LRRN2: variants seen among roughly 807,000 people sequenced by gnomAD.
LRRN2 encodes leucine-rich repeat neuronal protein 2.
In LRRN2, 10 loss-of-function variants were observed where a neutral mutation model predicts 35.7. The observed-to-expected ratio is 0.28, with a 90% CI of 0.17 to 0.47. The LOEUF (loss-of-function observed/expected upper bound fraction) is 0.47, where lower values mean the gene tolerates loss of function less well. LRRN2 is among the 20% of genes least tolerant of loss of function. The pLI is 0.99. For synonymous variants in LRRN2, 391 were observed against 409.6 expected, an observed-to-expected ratio of 0.95 and a Z score of 0.55; for missense variants, 731 against 940.3, an observed-to-expected ratio of 0.78 and a Z score of 2.91.
At chr1:204,675,784 A>T (rs1057335111) in intron 1 of LRRN2, among the ~76,000 whole-genome samples, 1 of 152,250 alleles carries the variant, frequency 6.6e-6, no homozygotes, top group Non-Finnish European at 1.5e-5. Context: ...TGAAAAATGG[A>T]TTAACTTCTG....
chr1:204,637,692 G>GTGTC (rs1667867810), intron 1 of LRRN2, among the ~76,000 whole-genome samples: 3 of 134,606 alleles, frequency 2.2e-5, no homozygotes, highest in Non-Finnish European at 3.2e-5. Context: ...GTGTGTGTGT[G>GTGTC]TTTGGGGGCA....
At chr1:204,663,395 G>A (rs1668510609) in intron 1 of LRRN2, among the ~76,000 whole-genome samples, 1 of 152,192 alleles carries the variant, frequency 6.6e-6, no homozygotes, top group African/African-American at 2.4e-5. Flanking sequence ...ACTGAGTAGG[G>A]AGCTGTGTTC....
intron 1 of LRRN2, among the ~76,000 whole-genome samples, chr1:204,685,020 C>T (rs537867157): frequency 1.8e-3 from 272 of 152,338 alleles, no homozygotes; most frequent in African/African-American, 6.2e-3. Context: ...GCCCAGGCGC[C>T]CTCTCCCTGG....
chr1:204,643,552 C>T (rs553669036), intron 1 of LRRN2, among the ~76,000 whole-genome samples: 3 of 151,958 alleles, frequency 2.0e-5, no homozygotes, highest in East Asian at 3.9e-4. Flanking sequence ...GAAGAGGGGG[C>T]GAGGATGAGG....
intron 1 of LRRN2, among the ~76,000 whole-genome samples, chr1:204,667,447 C>A (rs376631124): frequency 2.0e-5 from 3 of 152,060 alleles, no homozygotes; most frequent in Non-Finnish European, 4.4e-5. Flanking sequence ...GAGGATTCAA[C>A]GAGTTAATAT....
intron 1 of LRRN2, chr1:204,626,792 C>T (rs898286965): frequency 6.6e-6 from 1 of 152,060 alleles, no homozygotes; most frequent in Non-Finnish European, 1.5e-5. Flanking sequence ...GTCATGAAAA[C>T]AATTTAACGT....
In LRRN2 at chr1:204,618,364, T is replaced by C; in HGVS notation, c.1629A>G (p.Leu543=). The change falls in exon 2 of 2, where the codon CTA becomes CTG. Residue 543 remains leucine (L), a synonymous_variant. Coordinates refer to ENST00000367177, the MANE Select transcript of LRRN2 (RefSeq NM_201630.2). ...CTGTGTTGGGTGGGGTGACCCAAGA[T>C]AGCAGGATGTGATAGGGGTGGGTCT... ...VQETHPYHIL[L]SWVTPPNTVS... The C allele has an allele frequency of 6.2e-7, 1 of 1,603,366 alleles. No individual in the cohort carries two copies. Among genetic ancestry groups the C allele is most frequent in the Non-Finnish European group, 8.5e-7 (1 of 1,173,878 alleles).
chr1:204,649,633 G>A (rs1162872077), intron 1 of LRRN2, among the ~76,000 whole-genome samples: 1 of 152,210 alleles, frequency 6.6e-6, no homozygotes, highest in African/African-American at 2.4e-5. Flanking sequence ...AGGGCCGTGA[G>A]TTCCTCCTGG....
chr1:204,623,445 C>T (rs559954172), intron 1 of LRRN2, among the ~76,000 whole-genome samples: 27 of 152,300 alleles, frequency 1.8e-4, no homozygotes, highest in African/African-American at 6.5e-4. Flanking sequence ...TGGGGCTGGG[C>T]CTCGGGATCC....
At position 204,619,534 on chromosome 1, in the gene LRRN2, G is replaced by T. The variant is rs1345747163; in HGVS notation, c.459C>A (p.Leu153=). 1.2e-6 allele frequency: 2 copies of T among 1,614,252 alleles called. No homozygotes were observed. The highest frequency in any genetic ancestry group is 1.7e-6 in the Non-Finnish European group (2 of 1,180,044). ...AAAAGGCCCTGGGGGCGATGCGGTA[G>T]AGCTGGTTGTGGTTGAGATAGAGTT... ...LQELYLNHNQ[L]YRIAPRAFSG... Residue 153 remains leucine (L), a synonymous_variant, in exon 2 of 2, where the codon CTC becomes CTA. Coordinates refer to ENST00000367177, the MANE Select transcript of LRRN2 (RefSeq NM_201630.2).
chr1:204,681,931 C>T (rs1668965028), intron 1 of LRRN2, among the ~76,000 whole-genome samples: 2 of 152,132 alleles, frequency 1.3e-5, no homozygotes, highest in Admixed American at 6.5e-5. Flanking sequence ...AGTTTATCTT[C>T]TGCCTTTGTC....
intron 1 of LRRN2, chr1:204,620,729 T>C (rs1232496323): frequency 6.0e-6 from 1 of 167,648 alleles, no homozygotes; most frequent in Non-Finnish European, 1.5e-5. Context: ...TGTGTGTATG[T>C]GTGTGTGTAC....
At chr1:204,651,487 G>T (rs1274811194) in intron 1 of LRRN2, among the ~76,000 whole-genome samples, 1 of 152,214 alleles carries the variant, frequency 6.6e-6, no homozygotes, top group Admixed American at 6.5e-5. Context: ...ACTTGGTGCT[G>T]TGTTAACTTG....
intron 1 of LRRN2, among the ~76,000 whole-genome samples, chr1:204,635,696 G>A (rs886126761): frequency 5.3e-5 from 8 of 152,222 alleles, no homozygotes; most frequent in African/African-American, 1.2e-4. Context: ...CTGTCTTAAA[G>A]TGCAGTGGAA....
chr1:204,642,288 G>A (rs573152147), intron 1 of LRRN2, among the ~76,000 whole-genome samples: 58 of 152,284 alleles, frequency 3.8e-4, no homozygotes, highest in African/African-American at 1.1e-3. Flanking sequence ...GGCAAACAGC[G>A]AATCTACTGG....
Position 204,617,586 on chromosome 1 carries a change from A to ATCTC in LRRN2, c.*264_*265insGAGA. Reference sequence around the variant, plus strand: ...CTGGGCAGAGAGAAGATGGGGAGGCAGGAGGCTCTAGCCAAAGTCCCTCCT... The same window carrying ATCTC: ...CTGGGCAGAGAGAAGATGGGGAGGCATCTCGGAGGCTCTAGCCAAAGTCCCTCCT... On this transcript the variant is annotated 3_prime_UTR_variant, in exon 2 of 2. Transcript: ENST00000367177. 4.3e-6 allele frequency: 2 copies of ATCTC among 470,144 alleles called. No homozygotes were observed. The highest frequency in any genetic ancestry group is 3.8e-6 in the Non-Finnish European group (1 of 261,092). 29.1% of individuals were successfully genotyped at this position (470,144 alleles called of 1,614,324 possible).
intron 1 of LRRN2, 89 bp from the exon 2 acceptor site, chr1:204,620,307 A>C (rs1042286288): frequency 9.8e-6 from 9 of 919,364 alleles, no homozygotes; most frequent in Non-Finnish European, 1.3e-5. Flanking sequence ...ACAGAGTCTC[A>C]TTCTGTCACC....
Position 204,632,703 on chromosome 1 carries a change from G to A in LRRN2, c.-226-12485C>T, listed in dbSNP as rs997789287. Among the ~76,000 whole-genome samples, 11 of 151,732 alleles carry A rather than the reference G, an allele frequency of 7.2e-5. No homozygotes were observed. In the East Asian group the frequency reaches 7.7e-4, roughly 11 times the overall value. ...TCCCAGCACTTTGGGAGGCCGAGGCGGGCGGATCACAAGGTCAGGAGATGG... is the reference window on the plus strand; with the variant it reads ...TCCCAGCACTTTGGGAGGCCGAGGCAGGCGGATCACAAGGTCAGGAGATGG... On this transcript the variant is annotated intron_variant, in intron 1 of 1. Transcript: ENST00000367177.
intron 1 of LRRN2, among the ~76,000 whole-genome samples, chr1:204,656,318 C>T (rs1334335768): frequency 3.3e-5 from 5 of 152,138 alleles, no homozygotes; most frequent in African/African-American, 1.2e-4. Flanking sequence ...ACATTCTTAT[C>T]GAAAAATTAG....
Sources: gnomAD v4.1 joint callset for allele counts (sites outside exome capture counted in the v4.1 genomes callset) on GRCh38, gnomAD v4.1.1 for gene constraint, MANE v1.5 for transcripts, NCBI Gene and HGNC (gene_info 2026-07-23, HGNC 2026-07-21) for gene names.